ROCK2: variants seen among roughly 807,000 people sequenced by gnomAD.
ROCK2 encodes the protein rho-associated protein kinase 2.
ROCK2 carries 61 observed loss-of-function variants against 195.1 expected under a neutral mutation model. The observed-to-expected ratio is 0.31, with a 90% CI of 0.25 to 0.39. ROCK2 has a LOEUF of 0.39. ROCK2 is among the 10% of genes least tolerant of loss of function. The pLI is 1.00. For synonymous variants in ROCK2, 504 were observed against 545.5 expected (o/e 0.92, Z 1.06); for missense variants, 1,109 against 1,637.4 (o/e 0.68, Z 5.57).
rs1272753925 is a variant in ROCK2 at position 11,182,682 on chromosome 2, AAAATT to A, written c.*750_*754del. The A allele has an allele frequency of 3.9e-5, 6 of 152,646 alleles. No homozygotes were observed. Among genetic ancestry groups the A allele is most frequent in the Admixed American group, 3.9e-4 (6 of 15,290 alleles). The allele number at this position is 152,646 out of a possible 1,614,324, so 9.5% of individuals were successfully genotyped here. On this transcript the variant is annotated 3_prime_UTR_variant, in exon 33 of 33. Transcript: ENST00000315872. ...TACAGACAGGGCTGAGACTTTGAAAAAAATTAAATTAAGGCATTCAAAATGGGTAA... is the reference window on the plus strand; with the variant it reads ...TACAGACAGGGCTGAGACTTTGAAAAAAATTAAGGCATTCAAAATGGGTAA...
intron 1 of ROCK2, among the ~76,000 whole-genome samples, chr2:11,341,391 G>C (rs1192200038): frequency 6.6e-6 from 1 of 152,164 alleles, no homozygotes; most frequent in African/African-American, 2.4e-5. Flanking sequence ...ATTTAAAGCA[G>C]TTAACTAATA....
intron 5 of ROCK2, among the ~76,000 whole-genome samples, chr2:11,231,045 A>G (rs781343758): frequency 6.6e-6 from 1 of 152,036 alleles, no homozygotes; most frequent in African/African-American, 2.4e-5. Context: ...AATCTGAGAA[A>G]CCTTTTGAAA....
rs1039907290 is a variant in ROCK2 at position 11,247,472 on chromosome 2, A to G, written c.462+2189T>C. ...ATATAAAGGCCACAATTATAATCGG[A>G]TTTACTTTTTCAATTGTACTATGTT... On this transcript the variant is annotated intron_variant, in intron 4 of 32. Coordinates refer to ENST00000315872, the MANE Select transcript of ROCK2 (RefSeq NM_004850.5). Among the ~76,000 whole-genome samples the G allele has an allele frequency of 3.3e-5, 5 of 152,258 alleles. No individual in the cohort carries two copies. The East Asian group carries it at 9.6e-4, about 29-fold the overall frequency.
Position 11,258,688 on chromosome 2 carries a change from G to A in ROCK2, c.325-8890C>T, listed in dbSNP as rs887886278. ...GACACTTCATACTACAGATTTTGTT[G>A]AGCAGGTTATTTCTGTTAGTCACGG... On this transcript the variant is annotated intron_variant, in intron 3 of 32. Transcript: ENST00000315872. Among the ~76,000 whole-genome samples, 17 of 151,248 alleles carry A rather than the reference G, an allele frequency of 1.1e-4. 2 individuals carry two copies. Among genetic ancestry groups the A allele is most frequent in the African/African-American group, 3.9e-4 (16 of 40,578 alleles).
chr2:11,323,676 T>A (rs1668464459), intron 1 of ROCK2, among the ~76,000 whole-genome samples: 2 of 152,170 alleles, frequency 1.3e-5, no homozygotes, highest in South Asian at 4.1e-4. Flanking sequence ...ACATGTTTTT[T>A]AAAAGACTTT....
At chr2:11,308,607 T>C (rs1223775201) in intron 1 of ROCK2, 11 of 1,482,674 alleles carry the variant, frequency 7.4e-6, no homozygotes, top group Non-Finnish European at 1.0e-5. Context: ...GTAAAGGATC[T>C]GAATGGCATA....
At chr2:11,227,464 G>C (rs1409709722) in intron 5 of ROCK2, 66 bp from the exon 6 acceptor site, 1 of 1,404,012 alleles carries the variant, frequency 7.1e-7, no homozygotes, top group African/African-American at 1.4e-5. Context: ...TAAATGCAAT[G>C]AATCCATTTA....
intron 32 of ROCK2, among the ~76,000 whole-genome samples, chr2:11,185,783 G>A (rs551873314): frequency 6.6e-6 from 1 of 151,476 alleles, no homozygotes; most frequent in African/African-American, 2.4e-5. Context: ...AAAAAAAGCA[G>A]TAACTTTTTC....
chr2:11,250,566 C>T (rs1665795856), intron 3 of ROCK2, among the ~76,000 whole-genome samples: 1 of 152,202 alleles, frequency 6.6e-6, no homozygotes, highest in Non-Finnish European at 1.5e-5. Context: ...ATGCCTAAAA[C>T]TGAAACTCCT....
chr2:11,252,593 C>CATAT (rs1479834302), intron 3 of ROCK2, among the ~76,000 whole-genome samples: 2 of 152,088 alleles, frequency 1.3e-5, no homozygotes, highest in Non-Finnish European at 2.9e-5. Context: ...AAATGTGGCA[C>CATAT]ATATACACCA....
Position 11,182,477 on chromosome 2 carries a change from T to A in ROCK2, c.*960A>T, listed in dbSNP as rs1247434024. On this transcript the variant is annotated 3_prime_UTR_variant, in exon 33 of 33. Coordinates refer to ENST00000315872, the MANE Select transcript of ROCK2 (RefSeq NM_004850.5). Reference sequence around the variant, plus strand: ...ATGAATAATAGACAGACATCAAGGATATATTAGTTCCAACACCATCCATTA... The same window carrying A: ...ATGAATAATAGACAGACATCAAGGAAATATTAGTTCCAACACCATCCATTA... The A allele has an allele frequency of 6.6e-6, 1 of 152,216 alleles. No individual in the cohort carries two copies. Among genetic ancestry groups the A allele is most frequent in the African/African-American group, 2.4e-5 (1 of 41,460 alleles). 9.4% of individuals were successfully genotyped at this position (152,216 alleles called of 1,614,324 possible). A position where few individuals can be genotyped will look rare whatever the true frequency, so the allele number is the denominator to read the frequency against.
chr2:11,251,309 AT>A (rs1422736875), intron 3 of ROCK2, among the ~76,000 whole-genome samples: 1 of 152,262 alleles, frequency 6.6e-6, no homozygotes, highest in Non-Finnish European at 1.5e-5. Flanking sequence ...CTGGCACATA[AT>A]AACCTTTCAA....
chr2:11,188,103 ATT>A (rs747304783), intron 32 of ROCK2, among the ~76,000 whole-genome samples: 1,158 of 112,560 alleles, frequency 0.01, 8 homozygotes, highest in African/African-American at 0.038. Flanking sequence ...CTGGTATATA[ATT>A]TTTTTTTTTT....
At chr2:11,338,150 C>T (rs1416803079) in intron 1 of ROCK2, among the ~76,000 whole-genome samples, 2 of 151,896 alleles carry the variant, frequency 1.3e-5, no homozygotes, top group African/African-American at 4.8e-5. Context: ...TTGAGACCAG[C>T]CTGGACAACA....
chr2:11,289,612 G>C (rs1360498211), intron 1 of ROCK2, among the ~76,000 whole-genome samples: 1 of 152,094 alleles, frequency 6.6e-6, no homozygotes, highest in East Asian at 1.9e-4. Flanking sequence ...CAAACAGATA[G>C]AATATTAACA....
At chr2:11,324,018 A>G (rs1287172384) in intron 1 of ROCK2, among the ~76,000 whole-genome samples, 1 of 152,152 alleles carries the variant, frequency 6.6e-6, no homozygotes, top group Non-Finnish European at 1.5e-5. Flanking sequence ...TTCCACACTA[A>G]CAGTCACTGA....
At chr2:11,205,652 C>T (rs985447413) in intron 20 of ROCK2, among the ~76,000 whole-genome samples, 1 of 150,488 alleles carries the variant, frequency 6.6e-6, no homozygotes, top group Non-Finnish European at 1.5e-5. Context: ...ATCTTCCCCA[C>T]TGAATAACTA....
At chr2:11,296,005 G>GGGGGGAGAGAGA (rs766082679) in intron 1 of ROCK2, among the ~76,000 whole-genome samples, 2 of 10,342 alleles carry the variant, frequency 1.9e-4, no homozygotes, top group African/African-American at 4.0e-4. Flanking sequence ...GAGAGAGAGA[G>GGGGGGAGAGAGA]GAGAGAGAGA....
chr2:11,223,817 C>A (rs1481916563), intron 7 of ROCK2, among the ~76,000 whole-genome samples: 2 of 152,052 alleles, frequency 1.3e-5, no homozygotes, highest in African/African-American at 4.8e-5. Flanking sequence ...GTTTTCACAC[C>A]TTTGTTCATC....
Sources: allele counts gnomAD v4.1 joint callset (sites outside exome capture counted in the v4.1 genomes callset), GRCh38; gene constraint gnomAD v4.1.1; transcripts MANE v1.5; gene names NCBI Gene and HGNC (gene_info 2026-07-23, HGNC 2026-07-21).